Variants in TRPM6 observed in about 807,000 individuals in gnomAD.
TRPM6 encodes transient receptor potential cation channel subfamily M member 6, also known as channel kinase 2.
Under a neutral mutation model 247.6 loss-of-function variants are expected in TRPM6, and 111 were observed. The observed-to-expected ratio is 0.45, with a 90% confidence interval of 0.38 to 0.52. The LOEUF (loss-of-function observed/expected upper bound fraction) is 0.52, where lower values mean the gene tolerates loss of function less well. TRPM6 is among the 20% of genes least tolerant of loss of function. The pLI is 0.00. For synonymous variants in TRPM6, 892 were observed against 853.8 expected (o/e 1.04, Z -0.78); for missense variants, 2,126 against 2,421.5 (o/e 0.88, Z 2.56).
chr9:74,829,270 C>T (rs565586363), intron 6 of TRPM6, among the ~76,000 whole-genome samples: 8 of 151,940 alleles, frequency 5.3e-5, no homozygotes, highest in Admixed American at 1.3e-4. Flanking sequence ...CCAGCCTGGG[C>T]GACACAGTGA....
intron 27 of TRPM6, among the ~76,000 whole-genome samples, chr9:74,759,490 G>A (rs1564000675): frequency 6.6e-6 from 1 of 152,012 alleles, no homozygotes; most frequent in East Asian, 1.9e-4. Flanking sequence ...TTCTATTATT[G>A]TTAATATGGT....
At chr9:74,755,899 T>C (rs1826415565) in intron 27 of TRPM6, among the ~76,000 whole-genome samples, 1 of 152,166 alleles carries the variant, frequency 6.6e-6, no homozygotes, top group Non-Finnish European at 1.5e-5. Context: ...TCCAAAGAAT[T>C]TGTGTTGGAA....
At chr9:74,862,799 T>A (rs901461571) in intron 1 of TRPM6, among the ~76,000 whole-genome samples, 1 of 151,962 alleles carries the variant, frequency 6.6e-6, no homozygotes, top group Non-Finnish European at 1.5e-5. Context: ...CTGGACAACA[T>A]GGCAAAACCC....
intron 7 of TRPM6, among the ~76,000 whole-genome samples, chr9:74,826,318 C>T (rs1829328540): frequency 6.6e-6 from 1 of 152,224 alleles, no homozygotes; most frequent in East Asian, 1.9e-4. Context: ...TCTGACCTCA[C>T]TACATTCTGC....
chr9:74,877,358 T>C (rs1306516071), intron 1 of TRPM6, among the ~76,000 whole-genome samples: 3 of 152,122 alleles, frequency 2.0e-5, no homozygotes, highest in Non-Finnish European at 4.4e-5. Context: ...TAATATACAA[T>C]GCAGCCACAG....
At chr9:74,731,954 G>C (rs1286993195) in intron 37 of TRPM6, among the ~76,000 whole-genome samples, 1 of 152,070 alleles carries the variant, frequency 6.6e-6, no homozygotes, top group Non-Finnish European at 1.5e-5. Flanking sequence ...TGATTGTGAT[G>C]TAAGCTCTTA....
chr9:74,874,674 G>A (rs1267752655), intron 1 of TRPM6, among the ~76,000 whole-genome samples: 1 of 151,916 alleles, frequency 6.6e-6, no homozygotes, highest in Admixed American at 6.6e-5. Flanking sequence ...TCATAAAAGA[G>A]GGATTAAACA....
In TRPM6 at chr9:74,842,594, A is replaced by G. The variant is rs192982669; in HGVS notation, c.153-251T>C. 2.1e-4 allele frequency among the ~76,000 whole-genome samples: 32 copies of G among 152,338 alleles called. No individual in the cohort carries two copies. The East Asian group carries it at 4.6e-3, about 22-fold the overall frequency. The stretch of plus-strand genomic sequence containing the variant: ...TTAAAGGCAGGAATACCTTGGAGAC[A>G]TTGAAAGTTTGGTTCCAGTCCACTA... On this transcript the variant is annotated intron_variant, in intron 3 of 38. Coordinates refer to ENST00000360774, the MANE Select transcript of TRPM6 (RefSeq NM_017662.5).
intron 36 of TRPM6, 101 bp from the exon 37 acceptor site, chr9:74,732,837 A>C (rs1825567867): frequency 4.4e-6 from 4 of 918,650 alleles, no homozygotes; most frequent in Non-Finnish European, 5.1e-6. Context: ...TTTAAAACTC[A>C]CAGTCACTCT....
intron 37 of TRPM6, among the ~76,000 whole-genome samples, chr9:74,730,755 A>G (rs915309985): frequency 1.3e-5 from 2 of 152,134 alleles, no homozygotes; most frequent in Non-Finnish European, 2.9e-5. Context: ...AGGCATTCGA[A>G]ATGTGAGCCC....
chr9:74,765,645 T>G (rs979625819), intron 25 of TRPM6, among the ~76,000 whole-genome samples: 1 of 152,146 alleles, frequency 6.6e-6, no homozygotes, highest in African/African-American at 2.4e-5. Flanking sequence ...TGATTCCCGC[T>G]CTTATCTGGG....
Position 74,819,089 on chromosome 9 carries a change from C to T in TRPM6, c.1134+1215G>A, listed in dbSNP as rs559619260. 2.6e-5 allele frequency among the ~76,000 whole-genome samples: 4 copies of T among 152,260 alleles called. No homozygotes were observed. In the East Asian group the frequency reaches 7.7e-4, roughly 29 times the overall value. On this transcript the variant is annotated intron_variant, in intron 9 of 38. Coordinates refer to ENST00000360774, the MANE Select transcript of TRPM6 (RefSeq NM_017662.5). ...TTGGGAGGCCGAGACAGGCAGATCGCTTGAGGCCAGGAGTTCGAGACCAGC... is the reference window on the plus strand; with the variant it reads ...TTGGGAGGCCGAGACAGGCAGATCGTTTGAGGCCAGGAGTTCGAGACCAGC...
At chr9:74,731,941 T>C (rs989978322) in intron 37 of TRPM6, among the ~76,000 whole-genome samples, 2 of 152,152 alleles carry the variant, frequency 1.3e-5, no homozygotes, top group African/African-American at 4.8e-5. Context: ...CAGGCTCTCC[T>C]GGTGATTGTG....
intron 28 of TRPM6, among the ~76,000 whole-genome samples, chr9:74,754,971 C>A (rs190587796): frequency 1.4e-4 from 21 of 152,290 alleles, no homozygotes; most frequent in Non-Finnish European, 1.5e-5. Context: ...TATAACTTAA[C>A]CCACTGAATT....
intron 18 of TRPM6, among the ~76,000 whole-genome samples, chr9:74,794,590 C>T (rs976841808): frequency 2.6e-5 from 4 of 152,090 alleles, no homozygotes; most frequent in African/African-American, 7.2e-5. Flanking sequence ...ATCAGAAAGA[C>T]CCCAGAAAGC....
chr9:74,735,676 G>A (rs536131678), intron 36 of TRPM6, among the ~76,000 whole-genome samples: 15 of 152,226 alleles, frequency 9.9e-5, no homozygotes, highest in Middle Eastern at 3.4e-3. Context: ...TTTAATTCCT[G>A]TTGCTGGGAA....
chr9:74,745,503 G>T (rs1826014411), intron 31 of TRPM6, among the ~76,000 whole-genome samples: 1 of 151,964 alleles, frequency 6.6e-6, no homozygotes, highest in African/African-American at 2.4e-5. Flanking sequence ...ACTTAAGAGA[G>T]TTAGAAAGCA....
intron 36 of TRPM6, among the ~76,000 whole-genome samples, chr9:74,733,038 G>A (rs1825575690): frequency 1.3e-5 from 2 of 151,760 alleles, no homozygotes; most frequent in Admixed American, 1.3e-4. Context: ...TACTAAAAAT[G>A]CAAAAATTAG....
intron 3 of TRPM6, among the ~76,000 whole-genome samples, chr9:74,848,868 C>T (rs560038324): frequency 2.6e-5 from 4 of 152,096 alleles, no homozygotes; most frequent in East Asian, 1.9e-4. Flanking sequence ...AAGAAAAAAA[C>T]GTAAAGAAAT....
Sources: allele counts gnomAD v4.1 joint callset (sites outside exome capture counted in the v4.1 genomes callset), GRCh38; gene constraint gnomAD v4.1.1; transcripts MANE v1.5; gene names NCBI Gene and HGNC (gene_info 2026-07-23, HGNC 2026-07-21).